The following ZNF75D variants were observed in gnomAD, a reference collection of about 807,000 sequenced individuals.
ZNF75D encodes the protein zinc finger protein 75D, also known as zinc finger protein 75.
In ZNF75D, 33 loss-of-function variants were observed where a neutral mutation model predicts 33.3. The ratio of observed to expected loss-of-function variants is 0.99; its 90% confidence interval spans 0.75 to 1.32. The LOEUF is 1.32. Among genes scored for constraint, ZNF75D ranks in the 40% most tolerant of loss-of-function variants. The probability of loss-of-function intolerance (pLI) is 0.00; values close to 1 mark genes in which losing one functional copy is unlikely to be tolerated. For missense variants in ZNF75D, 338 were observed against 367.5 expected (o/e 0.92, Z 0.66); for synonymous variants, 113 against 130.6 (o/e 0.87, Z 0.92).
chrX:135,325,545 G>A lies in ZNF75D; in HGVS notation c.-391+16223C>T, dbSNP rs1340470139. Among the ~76,000 whole-genome samples the A allele has an allele frequency of 7.1e-5, 8 of 112,213 alleles. No homozygotes were observed. In the East Asian group the frequency reaches 2.0e-3, roughly 29 times the overall value. ...CATGGGCTTGGCGGGCCCCGCACTC[G>A]GAGCAGCCGGCCGGCCCTGCCGGCC... On this transcript the variant is annotated intron_variant, in intron 1 of 6. Coordinates refer to ENST00000370766, the MANE Select transcript of ZNF75D (RefSeq NM_007131.5).
intron 1 of ZNF75D, among the ~76,000 whole-genome samples, chrX:135,308,221 C>T (rs782064629): frequency 7.1e-5 from 8 of 112,137 alleles, no homozygotes; most frequent in African/African-American, 2.6e-4. Flanking sequence ...TCATAGTAAC[C>T]GTGACTTCAC....
downstream of ZNF75D, among the ~76,000 whole-genome samples, chrX:135,285,321 G>A (rs920873416): frequency 1.9e-4 from 21 of 111,888 alleles, no homozygotes; most frequent in African/African-American, 6.8e-4. Context: ...AGGGTTTGTA[G>A]TATATTTTGG....
intron 1 of ZNF75D, among the ~76,000 whole-genome samples, chrX:135,337,719 G>A (rs1216644549): frequency 1.8e-5 from 2 of 110,955 alleles, no homozygotes; most frequent in Non-Finnish European, 3.8e-5. Context: ...AATTCTCCAA[G>A]CAGTCGTCAA....
downstream of ZNF75D, among the ~76,000 whole-genome samples, chrX:135,281,772 C>T (rs782010296): frequency 8.9e-6 from 1 of 112,380 alleles, no homozygotes; most frequent in Non-Finnish European, 1.9e-5. Context: ...CTGGAGTTTG[C>T]TGGAGGTCCA....
intron 1 of ZNF75D, among the ~76,000 whole-genome samples, chrX:135,260,954 A>T (rs782706008): frequency 8.9e-6 from 1 of 112,298 alleles, no homozygotes; most frequent in African/African-American, 3.2e-5. Flanking sequence ...ATTTCCCTCT[A>T]CACACTGCTT....
At chrX:135,325,578 A>G (rs1455171399) in intron 1 of ZNF75D, among the ~76,000 whole-genome samples, 2 of 112,498 alleles carry the variant, frequency 1.8e-5, no homozygotes, top group African/African-American at 6.4e-5. Context: ...GCCCCGGGCA[A>G]TGAGGGACGT....
At chrX:135,265,054 A>C (rs1355191497) in intron 1 of ZNF75D, among the ~76,000 whole-genome samples, 4 of 111,106 alleles carry the variant, frequency 3.6e-5, no homozygotes, top group Non-Finnish European at 7.6e-5. Context: ...CCCCATCTCT[A>C]CTAAAAATAC....
At chrX:135,288,484 T>C (rs2083989293) in intron 6 of ZNF75D, among the ~76,000 whole-genome samples, 1 of 112,660 alleles carries the variant, frequency 8.9e-6, no homozygotes, top group Non-Finnish European at 1.9e-5. Flanking sequence ...TTCACTATAT[T>C]TGTTATTTTC....
intron 1 of ZNF75D, among the ~76,000 whole-genome samples, chrX:135,331,565 T>A (rs934774780): frequency 9.1e-6 from 1 of 109,861 alleles, no homozygotes; most frequent in Admixed American, 9.7e-5. Flanking sequence ...AAGTTAGGAG[T>A]AAGATGAAAT....
chrX:135,279,220 G>T (rs1250923872), intron 1 of ZNF75D, among the ~76,000 whole-genome samples: 1 of 110,934 alleles, frequency 9.0e-6, no homozygotes, highest in Admixed American at 9.6e-5. Flanking sequence ...GTCTTGGGAG[G>T]GTGTATGTGT....
intron 1 of ZNF75D, among the ~76,000 whole-genome samples, chrX:135,272,332 C>G (rs2083885961): frequency 9.6e-6 from 1 of 104,280 alleles, no homozygotes; most frequent in Admixed American, 1.1e-4. Context: ...CAGGGTCTCC[C>G]CCTCCTGCTC....
At chrX:135,269,566 A>G (rs1556416682) in intron 1 of ZNF75D, among the ~76,000 whole-genome samples, 1 of 111,976 alleles carries the variant, frequency 8.9e-6, no homozygotes, top group African/African-American at 3.2e-5. Flanking sequence ...ACCACAGCTA[A>G]CGTGTTATTT....
chrX:135,334,948 C>T (rs1556441904), intron 1 of ZNF75D, among the ~76,000 whole-genome samples: 1 of 111,160 alleles, frequency 9.0e-6, no homozygotes, highest in Non-Finnish European at 1.9e-5. Flanking sequence ...AGAATCTTTA[C>T]CTCTTTACCT....
intron 6 of ZNF75D, among the ~76,000 whole-genome samples, chrX:135,289,623 CACAG>C (rs1270961635): frequency 3.7e-5 from 2 of 53,366 alleles, no homozygotes; most frequent in South Asian, 1.5e-3. Context: ...CACACACACA[CACAG>C]ACACACACAC....
Position 135,253,805 on chromosome X carries a change from AAGACTCTTCTCCCT to A in ZNF75D, n.1150+1636_1150+1649del, listed in dbSNP as rs2083793151. On this transcript the variant is annotated intron_variant and non_coding_transcript_variant, in intron 2 of 3. Transcript: ENST00000494295. ...TGTAGTACTTGGCATTTAAGGACCA[AAGACTCTTCTCCCT>A]AGCCATTTTGAAGAGACTGCCCTGG... Among the ~76,000 whole-genome samples the A allele has an allele frequency of 3.7e-5, 4 of 107,046 alleles. No individual in the cohort carries two copies. The South Asian group carries it at 1.7e-3, about 44-fold the overall frequency. The allele number at this position is 107,046 out of a possible 115,157, so 93.0% of individuals were successfully genotyped here.
chrX:135,293,812 T>C lies in ZNF75D; in HGVS notation c.329A>G (p.Gln110Arg), dbSNP rs2084083645. Residue 110 changes from glutamine to arginine, a missense_variant, in exon 3 of 7, where the codon CAG becomes CGG. Transcript: ENST00000370766. ...TTTGACATTCTGTGGATGATGCTTC[T>C]GCACCCAGTTCTGGGTCTCCTTGGG... ...ILPKETQNWV[Q>R]KHHPQNVKQA... The C allele has an allele frequency of 1.7e-6, 2 of 1,208,549 alleles. No individual in the cohort carries two copies. The highest frequency in any genetic ancestry group is 1.7e-5 in the African/African-American group (1 of 57,359).
chrX:135,250,250 CT>C (rs1421716462), intron 3 of ZNF75D, among the ~76,000 whole-genome samples: 1 of 62,399 alleles, frequency 1.6e-5, no homozygotes, highest in Admixed American at 1.9e-4. Flanking sequence ...GTTATCTTCC[CT>C]CTCCAAATTG....
chrX:135,287,670 G>C lies in ZNF75D; in HGVS notation c.1000C>G (p.Pro334Ala). The C allele has an allele frequency of 8.3e-7, 1 of 1,210,153 alleles. No individual in the cohort carries two copies. Among genetic ancestry groups the C allele is most frequent in the Non-Finnish European group, 1.1e-6 (1 of 895,224 alleles). ...GCAGGTTTCTTTCTTTTCTTCCTTG[G>C]AAAAGCTCGATGCCATTTCTGTACA... is the stretch of plus-strand genomic sequence containing the variant. ...HSVQKWHRAF[P>A]RKKRKKPATC... The change falls in exon 7 of 7, where the codon CCA (proline) becomes GCA (alanine). Residue 334 changes from proline (P) to alanine (A), a missense_variant. This residue lies in a region of ZNF75D where 254 missense variants were observed against 267.7 expected (regional missense o/e 0.95). Transcript: ENST00000370766.
In ZNF75D at chrX:135,298,820, A is replaced by T. The variant is rs143061332; in HGVS notation, c.-390-2781T>A. On this transcript the variant is annotated intron_variant, in intron 1 of 6. Transcript: ENST00000370766. ...CAGCACCAACCCTAGGCAACCACTGATCTACTTTTTCTTCTCTATACATTT... is the reference window on the plus strand; with the variant it reads ...CAGCACCAACCCTAGGCAACCACTGTTCTACTTTTTCTTCTCTATACATTT... Among the ~76,000 whole-genome samples the T allele has an allele frequency of 9.1e-4, 101 of 111,490 alleles. 1 individual carries two copies. In the East Asian group the frequency reaches 0.026, roughly 29 times the overall value.
Sources: allele counts gnomAD v4.1 joint callset (sites outside exome capture counted in the v4.1 genomes callset), GRCh38; gene constraint gnomAD v4.1.1; regional missense constraint gnomAD v4.1.1; transcripts MANE v1.5; gene names NCBI Gene and HGNC (gene_info 2026-07-23, HGNC 2026-07-21).